ASTN2: variants seen among roughly 807,000 people sequenced by gnomAD.
ASTN2 encodes astrotactin 2, also known as astrotactin-2.
In ASTN2, 54 loss-of-function variants were observed where a neutral mutation model predicts 139.8. The observed-to-expected ratio is 0.39, with a 90% CI of 0.31 to 0.48. ASTN2 has a LOEUF of 0.48. Among genes scored for constraint, ASTN2 ranks in the 20% least tolerant of loss-of-function variants. The pLI is 0.95. For synonymous variants in ASTN2, 756 were observed against 719.5 expected (o/e 1.05, Z -0.81); for missense variants, 1,565 against 1,725.1 (o/e 0.91, Z 1.64).
chr9:116,791,812 C>T (rs1830567771), intron 13 of ASTN2, among the ~76,000 whole-genome samples: 1 of 152,118 alleles, frequency 6.6e-6, no homozygotes, highest in Non-Finnish European at 1.5e-5. Flanking sequence ...GATAGGCTTT[C>T]CCCTTCTAGA....
Position 117,011,100 on chromosome 9 carries a change from A to G in ASTN2, c.1424-2841T>C, listed in dbSNP as rs528198287. ...CAAGCTCTGTGAAATCTCAAGGAAC[A>G]GGAGCTATTTTGGTTATTATTTTGA... is the stretch of plus-strand genomic sequence containing the variant. On this transcript the variant is annotated intron_variant, in intron 6 of 22. Coordinates refer to ENST00000313400, the MANE Select transcript of ASTN2 (RefSeq NM_001365068.1). Among the ~76,000 whole-genome samples the G allele has an allele frequency of 4.6e-5, 7 of 152,356 alleles. No homozygotes were observed. In the South Asian group the frequency reaches 1.4e-3, roughly 32 times the overall value.
At chr9:117,255,690 C>T (rs535634714) in intron 2 of ASTN2, among the ~76,000 whole-genome samples, 15 of 152,196 alleles carry the variant, frequency 9.9e-5, no homozygotes, top group East Asian at 3.9e-4. Flanking sequence ...AAACAAATGC[C>T]GGGAGAACAC....
chr9:117,016,145 G>C (rs189255530), intron 6 of ASTN2, among the ~76,000 whole-genome samples: 1 of 152,150 alleles, frequency 6.6e-6, no homozygotes, highest in East Asian at 1.9e-4. Context: ...GAGAATGTAT[G>C]TTATAATCAG....
At chr9:117,390,756 C>A (rs564830057) in intron 1 of ASTN2, among the ~76,000 whole-genome samples, 1 of 152,192 alleles carries the variant, frequency 6.6e-6, no homozygotes, top group Non-Finnish European at 1.5e-5. Context: ...CACCTCACAA[C>A]AGACATGTTG....
chr9:116,719,871 T>G (rs894327294), intron 16 of ASTN2, among the ~76,000 whole-genome samples: 1 of 152,062 alleles, frequency 6.6e-6, no homozygotes, highest in African/African-American at 2.4e-5. Context: ...CAGACAACTT[T>G]GTCAAAGCCT....
At chr9:116,921,177 C>A (rs138053606) in intron 10 of ASTN2, among the ~76,000 whole-genome samples, 2 of 152,224 alleles carry the variant, frequency 1.3e-5, no homozygotes, top group African/African-American at 4.8e-5. Flanking sequence ...CAAGATCTCA[C>A]AAGAATTCAC....
At position 116,702,630 on chromosome 9, in the gene ASTN2, C is replaced by T. The variant is rs1827861093; in HGVS notation, c.2806+23141G>A. On this transcript the variant is annotated intron_variant, in intron 16 of 22. Coordinates refer to ENST00000313400, the MANE Select transcript of ASTN2 (RefSeq NM_001365068.1). ...GTATTTACCTGACTTAATGGGACTC[C>T]AGTAACCCGAGTCTTCCTAGTGTAG... 2.0e-5 allele frequency among the ~76,000 whole-genome samples: 3 copies of T among 152,204 alleles called. No individual in the cohort carries two copies. In the South Asian group the frequency reaches 6.2e-4, roughly 32 times the overall value.
At position 117,304,321 on chromosome 9, in the gene ASTN2, T is replaced by G. The variant is rs569399058; in HGVS notation, c.443-12808A>C. Reference sequence around the variant, plus strand: ...GGGTTGGGCTTTCCTGCTCTGTGCGTGTCACGCTATATGTAATCATTGCTT... The same window carrying G: ...GGGTTGGGCTTTCCTGCTCTGTGCGGGTCACGCTATATGTAATCATTGCTT... On this transcript the variant is annotated intron_variant, in intron 1 of 22. Transcript: ENST00000313400. 9.8e-5 allele frequency among the ~76,000 whole-genome samples: 15 copies of G among 152,336 alleles called. No individual in the cohort carries two copies. In the East Asian group the frequency reaches 1.7e-3, roughly 18 times the overall value.
chr9:116,834,522 A>G (rs778625398), intron 11 of ASTN2, among the ~76,000 whole-genome samples: 10 of 152,160 alleles, frequency 6.6e-5, no homozygotes, highest in Admixed American at 3.3e-4. Context: ...ATGGTAAATG[A>G]TATTTTATAA....
intron 11 of ASTN2, among the ~76,000 whole-genome samples, chr9:116,847,007 C>CAAAAAAAAAA (rs11302692): frequency 9.2e-5 from 7 of 75,874 alleles, no homozygotes; most frequent in Non-Finnish European, 1.3e-4. Context: ...GCTTCATTCT[C>CAAAAAAAAAA]AAAAAAAAAA....
chr9:116,562,785 A>G (rs1360568591), intron 19 of ASTN2, among the ~76,000 whole-genome samples: 2 of 149,852 alleles, frequency 1.3e-5, no homozygotes, highest in Non-Finnish European at 3.0e-5. Context: ...AGCAAAGGTT[A>G]TGCGTGATTT....
chr9:116,867,763 C>T (rs1025279321), intron 10 of ASTN2, among the ~76,000 whole-genome samples: 5 of 151,984 alleles, frequency 3.3e-5, no homozygotes, highest in Non-Finnish European at 7.4e-5. Flanking sequence ...ATGAGGGGAA[C>T]ATTACTTAAA....
chr9:117,114,935 G>A (rs1191455071), intron 4 of ASTN2, among the ~76,000 whole-genome samples: 2 of 152,120 alleles, frequency 1.3e-5, no homozygotes, highest in Non-Finnish European at 2.9e-5. Context: ...CCAGCCATGT[G>A]AGGGGGCCAT....
intron 20 of ASTN2, among the ~76,000 whole-genome samples, chr9:116,468,460 G>A (rs941833604): frequency 6.6e-5 from 10 of 152,196 alleles, no homozygotes; most frequent in Admixed American, 2.6e-4. Context: ...GCATCAGGAA[G>A]GATGCTCATG....
At chr9:116,591,761 G>C (rs962952827) in intron 19 of ASTN2, among the ~76,000 whole-genome samples, 7 of 152,206 alleles carry the variant, frequency 4.6e-5, no homozygotes, top group African/African-American at 1.7e-4. Context: ...CTGAATGGGA[G>C]CACAAAGTGG....
chr9:117,025,775 GTTTTTCT>G (rs1357200151), intron 6 of ASTN2, among the ~76,000 whole-genome samples: 1 of 150,472 alleles, frequency 6.6e-6, no homozygotes, highest in Non-Finnish European at 1.5e-5. Context: ...TAATATTGTG[GTTTTTCT>G]TTTTTCTTTT....
intron 13 of ASTN2, among the ~76,000 whole-genome samples, chr9:116,802,083 C>CTTTTT (rs796156202): frequency 2.2e-4 from 27 of 121,742 alleles, no homozygotes; most frequent in South Asian, 5.2e-4. Flanking sequence ...TTCTTTCTTT[C>CTTTTT]TTTTTTTTTT....
intron 19 of ASTN2, among the ~76,000 whole-genome samples, chr9:116,536,995 G>C (rs1851660355): frequency 6.6e-6 from 1 of 152,206 alleles, no homozygotes; most frequent in African/African-American, 2.4e-5. Context: ...GAGCTGTGGT[G>C]GGCTCCACCC....
At chr9:117,023,619 G>C (rs936080958) in intron 6 of ASTN2, among the ~76,000 whole-genome samples, 7 of 152,066 alleles carry the variant, frequency 4.6e-5, no homozygotes, top group African/African-American at 1.7e-4. Context: ...GCAGGCAGGG[G>C]CTGTGTCTTT....
Sources: gnomAD v4.1 joint callset for allele counts (sites outside exome capture counted in the v4.1 genomes callset) on GRCh38, gnomAD v4.1.1 for gene constraint, MANE v1.5 for transcripts, NCBI Gene and HGNC (gene_info 2026-07-23, HGNC 2026-07-21) for gene names.